The following SV2C variants were observed in gnomAD, a reference collection of about 807,000 sequenced individuals.
SV2C encodes the protein synaptic vesicle glycoprotein 2C.
In SV2C, 49 loss-of-function variants were observed where a neutral mutation model predicts 79.7. The ratio of observed to expected loss-of-function variants is 0.61; its 90% CI spans 0.49 to 0.78. SV2C has a LOEUF of 0.78. SV2C is among the 30% of genes least tolerant of loss of function. SV2C has a pLI of 0.00. For synonymous variants in SV2C, 334 were observed against 333.2 expected (o/e 1.00, Z -0.03); for missense variants, 833 against 912.9 (o/e 0.91, Z 1.13).
At chr5:75,944,441 T>C in the SV2C span, among the ~76,000 whole-genome samples, 4 of 152,174 alleles carry the variant, frequency 2.6e-5, no homozygotes, top group Non-Finnish European at 4.4e-5. Flanking sequence ...CAAAAATTCC[T>C]GTGCTCACCA....
rs1748906811 is a variant in SV2C, at chr5:76,131,944, A to G, written c.194A>G (p.Tyr65Cys). The G allele has an allele frequency of 1.9e-6, 3 of 1,613,998 alleles. No individual in the cohort carries two copies. In the South Asian group the frequency reaches 3.3e-5, roughly 18 times the overall value. The change falls in exon 2 of 13, where the codon TAT becomes TGT. Residue 65 changes from tyrosine (Y) to cysteine (C), a missense_variant. Transcript: ENST00000502798. Reference sequence around the variant, plus strand: ...GACTACTACCCGGCTGGAGAAACCTATAATGGTGAGGCCAACGATGACGAA... The same window carrying G: ...GACTACTACCCGGCTGGAGAAACCTGTAATGGTGAGGCCAACGATGACGAA... ...DDDYYPAGET[Y>C]NGEANDDEGS...
downstream of SV2C, among the ~76,000 whole-genome samples, chr5:76,337,735 G>C (rs1003235856): frequency 3.9e-5 from 6 of 152,162 alleles, no homozygotes; most frequent in African/African-American, 1.4e-4. Context: ...TTCTGGGGGA[G>C]ACCTCAGGGC....
intron 4 of SV2C, among the ~76,000 whole-genome samples, chr5:76,211,233 G>T (rs1744758779): frequency 6.6e-6 from 1 of 152,124 alleles, no homozygotes. Flanking sequence ...GAACTTTAGA[G>T]GTGACTCCAC....
chr5:76,266,473 G>A (rs1414515294), intron 4 of SV2C, among the ~76,000 whole-genome samples: 2 of 152,222 alleles, frequency 1.3e-5, no homozygotes, highest in Non-Finnish European at 2.9e-5. Context: ...CTCCCAAAGT[G>A]CTGGGTTTAC....
chr5:75,962,424 A>G, the SV2C span, among the ~76,000 whole-genome samples: 1 of 152,280 alleles, frequency 6.6e-6, no homozygotes, highest in East Asian at 1.9e-4. Context: ...CAAACTGACA[A>G]GTAAAATAAG....
intron 2 of SV2C, among the ~76,000 whole-genome samples, chr5:76,192,040 G>C (rs570104596): frequency 6.6e-6 from 1 of 152,108 alleles, no homozygotes; most frequent in Non-Finnish European, 1.5e-5. Context: ...TCATCTAGCA[G>C]GTCTTGCCTG....
intron 1 of SV2C, among the ~76,000 whole-genome samples, chr5:76,131,397 G>T (rs558922436): frequency 2.0e-5 from 3 of 151,716 alleles, no homozygotes; most frequent in African/African-American, 4.8e-5. Context: ...TTACCCTGGG[G>T]ATAGAATTCC....
chr5:75,856,734 A>G, the SV2C span, among the ~76,000 whole-genome samples: 1 of 152,050 alleles, frequency 6.6e-6, no homozygotes, highest in Non-Finnish European at 1.5e-5. Flanking sequence ...ATTTCCTCCC[A>G]TTCTGTGGGT....
chr5:75,892,019 C>A, the SV2C span, among the ~76,000 whole-genome samples: 3 of 152,052 alleles, frequency 2.0e-5, no homozygotes, highest in African/African-American at 7.2e-5. Context: ...TTCCCAGGTT[C>A]CTAAACTTTG....
At chr5:76,111,665 C>T (rs1748102719) in intron 1 of SV2C, among the ~76,000 whole-genome samples, 1 of 152,272 alleles carries the variant, frequency 6.6e-6, no homozygotes, top group South Asian at 2.1e-4. Flanking sequence ...AATTTGCCCC[C>T]CCAGGATTAG....
intron 2 of SV2C, among the ~76,000 whole-genome samples, chr5:76,147,016 A>T (rs1749457458): frequency 6.6e-6 from 1 of 152,136 alleles, no homozygotes; most frequent in African/African-American, 2.4e-5. Context: ...GATTAGAATT[A>T]TGAGGGACTC....
At position 76,138,926 on chromosome 5, in the gene SV2C, G is replaced by A. The variant is rs567959999; in HGVS notation, c.580+6596G>A. ...GAAGTCAGGAGATTTAGACCATCCTGACTAACACAGTGAAACCCCATCTCT... is the reference window on the plus strand; with the variant it reads ...GAAGTCAGGAGATTTAGACCATCCTAACTAACACAGTGAAACCCCATCTCT... On this transcript the variant is annotated intron_variant, in intron 2 of 12. Coordinates refer to ENST00000502798, the MANE Select transcript of SV2C (RefSeq NM_014979.4). Among the ~76,000 whole-genome samples the A allele has an allele frequency of 3.9e-5, 6 of 152,268 alleles. No individual in the cohort carries two copies. In the South Asian group the frequency reaches 1.2e-3, roughly 32 times the overall value.
the SV2C span, among the ~76,000 whole-genome samples, chr5:76,019,542 A>C: frequency 6.6e-6 from 1 of 152,116 alleles, no homozygotes; most frequent in East Asian, 1.9e-4. Context: ...AGTATTGCTC[A>C]CCTCTTTTCC....
At chr5:75,957,104 G>A in the SV2C span, among the ~76,000 whole-genome samples, 1 of 151,896 alleles carries the variant, frequency 6.6e-6, no homozygotes, top group Admixed American at 6.6e-5. Flanking sequence ...TTAGCAGCTG[G>A]CAGAAGCTTT....
At chr5:75,918,463 G>A in the SV2C span, among the ~76,000 whole-genome samples, 1,702 of 152,240 alleles carry the variant, frequency 0.011, 23 homozygotes, top group African/African-American at 0.036. Flanking sequence ...TTATATCTTC[G>A]TGAAAGATGT....
chr5:76,195,052 C>G lies in SV2C; in HGVS notation c.714C>G (p.Val238=), dbSNP rs762226050. 2 of 1,614,024 alleles carry G rather than the reference C, an allele frequency of 1.2e-6. No homozygotes were observed. The change falls in exon 3 of 13, where the codon GTC becomes GTG. Residue 238 remains valine, a synonymous_variant. Coordinates refer to ENST00000502798, the MANE Select transcript of SV2C (RefSeq NM_014979.4). ...NGFFAFLSSF[V]QGYGFFLFCR... is the part of the protein sequence containing the mutation. ...TCTTTGCCTTCCTTTCTTCATTTGT[C>G]CAAGGTTATGGCTTCTTTCTCTTCT...
chr5:75,871,830 T>TAC, the SV2C span, among the ~76,000 whole-genome samples: 88 of 110,536 alleles, frequency 8.0e-4, no homozygotes, highest in South Asian at 2.1e-3. Flanking sequence ...TATATATATA[T>TAC]ATATACACAC....
chr5:76,338,288 C>T (rs1045965965), downstream of SV2C, among the ~76,000 whole-genome samples: 1 of 152,258 alleles, frequency 6.6e-6, no homozygotes, highest in African/African-American at 2.4e-5. Context: ...ATTTCTGCCT[C>T]CTCTACTCCA....
chr5:76,189,779 C>T (rs1004983038), intron 2 of SV2C, among the ~76,000 whole-genome samples: 1 of 152,134 alleles, frequency 6.6e-6, no homozygotes, highest in East Asian at 1.9e-4. Context: ...GTGCCTCAAT[C>T]TGAGCACAGG....
Sources: gnomAD v4.1 joint callset for allele counts (sites outside exome capture counted in the v4.1 genomes callset) on GRCh38, gnomAD v4.1.1 for gene constraint, MANE v1.5 for transcripts, NCBI Gene and HGNC (gene_info 2026-07-23, HGNC 2026-07-21) for gene names.